The following FXYD5 variants were observed in gnomAD, a reference collection of about 807,000 sequenced individuals.
FXYD5 encodes FXYD domain-containing ion transport regulator 5.
Under a neutral mutation model 25.7 loss-of-function variants are expected in FXYD5, and 21 were observed. That is an observed-to-expected ratio of 0.82 (90% CI 0.58 to 1.18). The LOEUF is 1.18. Ranked by LOEUF, FXYD5 falls within the 50% of genes most tolerant of loss-of-function variation. The pLI is 0.00. For synonymous variants in FXYD5, 101 were observed against 90.7 expected, an observed-to-expected ratio of 1.11 and a Z score of -0.64; for missense variants, 229 against 227.7, an observed-to-expected ratio of 1.01 and a Z score of -0.04.
chr19:35,161,697 C>T (rs1423778431), intron 5 of FXYD5, among the ~76,000 whole-genome samples: 1 of 152,176 alleles, frequency 6.6e-6, no homozygotes, highest in East Asian at 1.9e-4. Flanking sequence ...TTAGTATTAC[C>T]AGAAGGTGTG....
At chr19:35,166,906 C>T (rs867547573) in intron 8 of FXYD5, 2 of 152,766 alleles carry the variant, frequency 1.3e-5, no homozygotes, top group African/African-American at 2.4e-5. Context: ...GTCAGCATAC[C>T]ACCCCAGCAG....
At position 35,155,631 on chromosome 19, in the gene FXYD5, TC is replaced by T; in HGVS notation, c.61+22del. ...CCAGAGGTAAGACCCATCTCTGGCC[TC>T]CACCCTGCCCCAGAGCCCCCAGCCA... On this transcript the variant is annotated intron_variant, in intron 2 of 8. Coordinates refer to ENST00000392219, the MANE Select transcript of FXYD5 (RefSeq NM_014164.6). 1 of 1,576,160 alleles carries T rather than the reference TC, an allele frequency of 6.3e-7. No individual in the cohort carries two copies. The highest frequency in any genetic ancestry group is 8.7e-7 in the Non-Finnish European group (1 of 1,150,694).
At chr19:35,163,974 C>T (rs2065428301) in intron 5 of FXYD5, 182 bp from the exon 6 acceptor site, 2 of 1,471,096 alleles carry the variant, frequency 1.4e-6, no homozygotes. Flanking sequence ...CTTATTTCAG[C>T]ATTTCAATGC....
At chr19:35,160,371 T>C (rs1488418174) in intron 4 of FXYD5, among the ~76,000 whole-genome samples, 3 of 152,176 alleles carry the variant, frequency 2.0e-5, no homozygotes, top group East Asian at 1.9e-4. Context: ...TTTTCTGAGA[T>C]GGAGTTTTGC....
At position 35,166,243 on chromosome 19, in the gene FXYD5, C is replaced by G. The variant is rs1253884403; in HGVS notation, c.413-8C>G. On this transcript the variant is annotated splice_region_variant and splice_polypyrimidine_tract_variant and intron_variant, in intron 7 of 8. Transcript: ENST00000392219. ...TCTGACTCTACCCCTTCATTTTTCT[C>G]TCTGCAGATGAACACACCCTCCGGA... 2 of 1,612,374 alleles carry G rather than the reference C, an allele frequency of 1.2e-6. No individual in the cohort carries two copies. The highest frequency in any genetic ancestry group is 2.7e-5 in the African/African-American group (2 of 74,876).
chr19:35,161,792 G>T (rs1017981179), intron 5 of FXYD5, among the ~76,000 whole-genome samples: 2 of 152,222 alleles, frequency 1.3e-5, no homozygotes, highest in Admixed American at 6.5e-5. Flanking sequence ...GCCCCACACT[G>T]GAAAGTGTTG....
At chr19:35,155,718 G>C (rs2065348234) in intron 2 of FXYD5, 107 bp downstream of exon 2, 2 of 829,658 alleles carry the variant, frequency 2.4e-6, no homozygotes, top group South Asian at 2.7e-5. Flanking sequence ...GTCCTGCCCT[G>C]TCACCCTCCC....
At position 35,161,143 on chromosome 19, in the gene FXYD5, T is replaced by G. The variant is rs547278237; in HGVS notation, c.292+342T>G. Among the ~76,000 whole-genome samples the G allele has an allele frequency of 9.2e-5, 14 of 152,052 alleles. 2 individuals carry two copies. The South Asian group carries it at 2.9e-3, about 32-fold the overall frequency. ...GGGCTGGGGCTATAGAATGTGCCTG[T>G]GGATATTTCTTTTTTGTACATCTCC... On this transcript the variant is annotated intron_variant, in intron 5 of 8. Coordinates refer to ENST00000392219, the MANE Select transcript of FXYD5 (RefSeq NM_014164.6).
intron 7 of FXYD5, 22 bp downstream of exon 7, chr19:35,166,193 G>A (rs749847864): frequency 6.2e-7 from 1 of 1,613,322 alleles, no homozygotes; most frequent in Admixed American, 1.7e-5. Context: ...ACAGGAAGAT[G>A]TGGGGGAAGG....
chr19:35,155,377 C>T (rs540339244), intron 1 of FXYD5, 174 bp from the exon 2 acceptor site: 71 of 607,050 alleles, frequency 1.2e-4, no homozygotes, highest in Non-Finnish European at 1.7e-4. Context: ...GGTTTGGTAT[C>T]CCCACCTAAG....
At chr19:35,159,335 C>A (rs1487437019) in intron 4 of FXYD5, among the ~76,000 whole-genome samples, 3 of 152,218 alleles carry the variant, frequency 2.0e-5, no homozygotes, top group Admixed American at 2.0e-4. Context: ...ATACCACATC[C>A]CATGTATATT....
At chr19:35,161,219 T>TC (rs1754553610) in intron 5 of FXYD5, among the ~76,000 whole-genome samples, 1 of 3,392 alleles carries the variant, frequency 2.9e-4, no homozygotes, top group Non-Finnish European at 4.7e-4. Flanking sequence ...AAATTCACCT[T>TC]AAACACACAC....
At chr19:35,160,925 A>T in intron 5 of FXYD5, 124 bp downstream of exon 5, 1 of 639,632 alleles carries the variant, frequency 1.6e-6, no homozygotes, top group Non-Finnish European at 2.8e-6. Context: ...TTTAAAAAAA[A>T]TGTTTTTGGT....
rs569536832 is a variant in FXYD5 at position 35,156,062 on chromosome 19, G to A, written c.61+451G>A. On this transcript the variant is annotated intron_variant, in intron 2 of 8. Transcript: ENST00000392219. The stretch of plus-strand genomic sequence containing the variant: ...CTCCTGAAAGATGGGAACCACAGGG[G>A]GGTATTGATCGTTCTTTCTGTGTGG... Among the ~76,000 whole-genome samples the A allele has an allele frequency of 8.5e-5, 13 of 152,316 alleles. 1 individual carries two copies. The South Asian group carries it at 2.7e-3, about 32-fold the overall frequency.
intron 6 of FXYD5, among the ~76,000 whole-genome samples, chr19:35,164,711 G>A (rs2065435987): frequency 6.6e-6 from 1 of 152,140 alleles, no homozygotes; most frequent in Non-Finnish European, 1.5e-5. Flanking sequence ...GTCACATAGA[G>A]AGCCCATTCA....
chr19:35,155,675 C>T, intron 2 of FXYD5, 64 bp downstream of exon 2: 3 of 1,213,536 alleles, frequency 2.5e-6, no homozygotes, highest in South Asian at 2.4e-5. Flanking sequence ...CCCACGTGTG[C>T]TGCGGGGTGG....
chr19:35,159,815 G>A (rs550246842), intron 4 of FXYD5: 61 of 754,558 alleles, frequency 8.1e-5, no homozygotes, highest in East Asian at 7.1e-4. Context: ...AGTCAGGGAC[G>A]CAGCTGGAAT....
chr19:35,164,384 G>A lies in FXYD5; in HGVS notation c.382+139G>A, dbSNP rs2065433141. 12 of 794,436 alleles carry A rather than the reference G, an allele frequency of 1.5e-5. No individual in the cohort carries two copies. In the East Asian group the frequency reaches 3.3e-4, roughly 22 times the overall value. 49.2% of individuals were successfully genotyped at this position (794,436 alleles called of 1,614,324 possible). On this transcript the variant is annotated intron_variant, in intron 6 of 8. Transcript: ENST00000392219. The stretch of plus-strand genomic sequence containing the variant: ...AGTAAATGACTTCAAGCCAGGCAGA[G>A]GGTGGGCACATGATAAATGTCTGAA...
intron 5 of FXYD5, among the ~76,000 whole-genome samples, chr19:35,162,438 T>C (rs2065414844): frequency 6.6e-6 from 1 of 152,174 alleles, no homozygotes; most frequent in South Asian, 2.1e-4. Flanking sequence ...GTTCTGGAGA[T>C]GGGAAGTCCA....
Sources: allele counts gnomAD v4.1 joint callset (sites outside exome capture counted in the v4.1 genomes callset), GRCh38; gene constraint gnomAD v4.1.1; transcripts MANE v1.5; gene names NCBI Gene and HGNC (gene_info 2026-07-23, HGNC 2026-07-21).